CEP72: variants seen among roughly 807,000 people sequenced by gnomAD.
CEP72 encodes centrosomal protein 72, also known as centrosomal protein of 72 kDa.
In CEP72, 78 loss-of-function variants were observed where a neutral mutation model predicts 65.7. The ratio of observed to expected loss-of-function variants is 1.19; its 90% CI spans 0.99 to 1.43. The LOEUF is 1.43. Ranked by LOEUF, CEP72 falls within the 40% of genes most tolerant of loss-of-function variation. The pLI, the probability that CEP72 is intolerant of heterozygous loss-of-function variation, is 0.00. For missense variants in CEP72, 914 were observed against 832.9 expected (o/e 1.10, Z -1.20); for synonymous variants, 358 against 351.7 (o/e 1.02, Z -0.20).
chr5:645,933 T>C lies in CEP72; in HGVS notation c.1666+1508T>C, dbSNP rs774027902. Among the ~76,000 whole-genome samples, 181 of 151,280 alleles carry C rather than the reference T, an allele frequency of 1.2e-3. No homozygotes were observed. Among genetic ancestry groups the C allele is most frequent in the Non-Finnish European group, 2.1e-3 (145 of 67,808 alleles). Reference sequence around the variant, plus strand: ...GACGGTGAATTCGGCTTCGTTACACTGTGTGAGCGTCACTCCTGCTCCCGT... The same window carrying C: ...GACGGTGAATTCGGCTTCGTTACACCGTGTGAGCGTCACTCCTGCTCCCGT... On this transcript the variant is annotated intron_variant, in intron 10 of 11. Transcript: ENST00000264935. This position sits in a 1 kb window ranked among gnomAD's most constrained non-coding sequence, Gnocchi z 4.0.
intron 4 of CEP72, among the ~76,000 whole-genome samples, chr5:666,627 C>T (rs1739927609): frequency 1.3e-5 from 2 of 152,232 alleles, no homozygotes; most frequent in African/African-American, 4.8e-5. Flanking sequence ...GGCTCCAAAA[C>T]CCGCCAGGCG....
intron 1 of CEP72, among the ~76,000 whole-genome samples, chr5:613,113 G>C (rs892619809): frequency 1.3e-5 from 2 of 152,202 alleles, no homozygotes; most frequent in African/African-American, 4.8e-5. Context: ...TGGCTGTGTG[G>C]GGTTTTGTGG....
At chr5:643,965 C>T (rs1738240289) in intron 9 of CEP72, among the ~76,000 whole-genome samples, 1 of 152,330 alleles carries the variant, frequency 6.6e-6, no homozygotes, top group Admixed American at 6.5e-5. Context: ...CAGGGTTCCC[C>T]CAACCGCCAC....
At chr5:676,023 A>T in the CEP72 span, 3 of 67,722 alleles carry the variant, frequency 4.4e-5, no homozygotes, top group Non-Finnish European at 5.2e-5. Flanking sequence ...CTTCTCTGGG[A>T]CTGAGGCTGG....
intron 2 of CEP72, chr5:665,137 C>G (rs1379933580): frequency 1.2e-6 from 2 of 1,612,676 alleles, no homozygotes; most frequent in African/African-American, 2.7e-5. Context: ...TCGTAGGTGC[C>G]TGCGTGCTTG....
intron 9 of CEP72, chr5:641,501 A>G: frequency 1.0e-6 from 1 of 985,262 alleles, no homozygotes; most frequent in South Asian, 4.7e-5. Flanking sequence ...CAGAGATCCC[A>G]CACAACGCTT....
the CEP72 span, among the ~76,000 whole-genome samples, chr5:672,577 G>A: frequency 3.9e-5 from 6 of 152,210 alleles, no homozygotes; most frequent in Admixed American, 6.5e-5. Flanking sequence ...GCAGACCCTC[G>A]CCCAGAGGCT....
rs1394306771 is a variant in CEP72 at position 649,384 on chromosome 5, GA to G, written c.1778+1469del. ...ACTGTGAGGTGTGACTGTGAGGTGT[GA>G]CTGTGAGGTGTGCCTGTGAGGCGTG... On this transcript the variant is annotated intron_variant, in intron 11 of 11. Transcript: ENST00000264935. Among the ~76,000 whole-genome samples the G allele has an allele frequency of 3.9e-4, 51 of 130,738 alleles. 2 individuals are homozygous for G. Among genetic ancestry groups the G allele is most frequent in the African/African-American group, 8.9e-4 (28 of 31,620 alleles). 85.8% of individuals were successfully genotyped at this position (130,738 alleles called of 152,430 possible). A position where few individuals can be genotyped will look rare whatever the true frequency, so the allele number is the denominator to read the frequency against.
Position 644,348 on chromosome 5 carries a change from T to A in CEP72, c.1589T>A (p.Leu530Ter). The change falls in exon 10 of 12, where the codon TTA (leucine) becomes TAA (stop). Residue 530 changes from leucine (L) to a stop codon, truncating the protein, a stop_gained. Transcript: ENST00000264935. LOFTEE classifies it high-confidence loss of function. The part of the protein sequence containing the change: ...LDKSLEENSR[L>*]KSLLLSMKKE... The stretch of plus-strand genomic sequence containing the variant: ...AAATCTTTGGAAGAGAACAGTAGGT[T>A]AAAATCGCTTTTGTTGAGTATGAAA... 3 of 1,610,154 alleles carry A rather than the reference T, an allele frequency of 1.9e-6. No homozygotes were observed. Among genetic ancestry groups the A allele is most frequent in the Non-Finnish European group, 2.5e-6 (3 of 1,176,482 alleles).
downstream of CEP72, among the ~76,000 whole-genome samples, chr5:668,094 C>T (rs1379501845): frequency 2.5e-5 from 2 of 80,172 alleles, no homozygotes; most frequent in Non-Finnish European, 4.3e-5. Flanking sequence ...TCCGCGTGGG[C>T]CCCATCAGGG....
At chr5:670,936 C>T (rs1561084153), downstream of CEP72, among the ~76,000 whole-genome samples, 1 of 152,204 alleles carries the variant, frequency 6.6e-6, no homozygotes, top group Non-Finnish European at 1.5e-5. Context: ...GAAACCGGAG[C>T]CCTTCCTGCA....
downstream of CEP72, among the ~76,000 whole-genome samples, chr5:654,669 A>G (rs1739323497): frequency 6.6e-6 from 1 of 152,204 alleles, no homozygotes; most frequent in African/African-American, 2.4e-5. Context: ...TAATTTATGT[A>G]TGTAAGAGTA....
chr5:664,936 G>A (rs1389357727), intron 2 of CEP72: 6 of 730,480 alleles, frequency 8.2e-6, no homozygotes, highest in African/African-American at 3.6e-5. Context: ...GGGGGCATCC[G>A]GTAGGAGGAG....
chr5:665,455 C>T (rs1739857072), intron 3 of CEP72: 1 of 703,962 alleles, frequency 1.4e-6, no homozygotes, highest in South Asian at 1.9e-5. Flanking sequence ...ATTTTTACCT[C>T]TCCTGACCCT....
intron 1 of CEP72, among the ~76,000 whole-genome samples, chr5:616,539 C>T (rs1735999763): frequency 6.6e-6 from 1 of 152,070 alleles, no homozygotes; most frequent in African/African-American, 2.4e-5. Flanking sequence ...ATATTGTGGA[C>T]ATGCTGGGTA....
Position 620,080 on chromosome 5 carries a change from C to A in CEP72, c.222C>A (p.Tyr74Ter). The change falls in exon 3 of 12, where the codon TAC (tyrosine) becomes TAA (stop). Residue 74 changes from tyrosine to a stop codon, truncating the protein, a stop_gained. Transcript: ENST00000264935. LOFTEE classifies it high-confidence loss of function. ...NSLVSLEGIQ[Y>*]LTALESLNLY... Reference sequence around the variant, plus strand: ...TTTTCTGTTGACAGGGCATTCAGTACCTGACTGCATTGGAGAGTCTCAATC... The same window carrying A: ...TTTTCTGTTGACAGGGCATTCAGTAACTGACTGCATTGGAGAGTCTCAATC... 6.2e-7 allele frequency: 1 copy of A among 1,604,784 alleles called. No individual in the cohort carries two copies. The highest frequency in any genetic ancestry group is 1.7e-4 in the Middle Eastern group (1 of 6,038).
Position 635,430 on chromosome 5 carries a change from G to A in CEP72, c.750G>A (p.Lys250=). The A allele has an allele frequency of 6.2e-7, 1 of 1,614,148 alleles. No homozygotes were observed. Among genetic ancestry groups the A allele is most frequent in the South Asian group, 1.1e-5 (1 of 91,084 alleles). The change falls in exon 6 of 12, where the codon AAG becomes AAA. Residue 250 remains lysine (K), a synonymous_variant. Coordinates refer to ENST00000264935, the MANE Select transcript of CEP72 (RefSeq NM_018140.4). ...AGTACCAGTGTGGGGACTCTGGGAA[G>A]CAGGGCCGTGAGACGAGGAGGAGCA... The part of the protein sequence containing the change: ...LVQYQCGDSG[K]QGRETRRSSC...
At chr5:616,364 C>T (rs1376096029) in intron 1 of CEP72, among the ~76,000 whole-genome samples, 1 of 151,042 alleles carries the variant, frequency 6.6e-6, no homozygotes, top group East Asian at 1.9e-4. Flanking sequence ...CTAGTTTTTC[C>T]TTTGTCTCAG....
rs757427968 is a variant in CEP72, at chr5:649,777, GTGAGGTGTGAC to G, written c.1778+1875_1778+1885del. On this transcript the variant is annotated intron_variant, in intron 11 of 11. Transcript: ENST00000264935. ...GAGGTGTGACTGTGAGGCGTGGACT[GTGAGGTGTGAC>G]TGAGGTGTGACTGTGAGGTGTGACT... Among the ~76,000 whole-genome samples, 8 of 48,914 alleles carry G rather than the reference GTGAGGTGTGAC, an allele frequency of 1.6e-4. 1 individual carries two copies. The highest frequency in any genetic ancestry group is 2.3e-4 in the Admixed American group (1 of 4,388). 32.1% of individuals were successfully genotyped at this position (48,914 alleles called of 152,430 possible).
Sources: gnomAD v4.1 joint callset for allele counts (sites outside exome capture counted in the v4.1 genomes callset) on GRCh38, gnomAD v4.1.1 for gene constraint, Gnocchi (gnomAD v3.1) non-coding constraint, MANE v1.5 for transcripts, NCBI Gene and HGNC (gene_info 2026-07-23, HGNC 2026-07-21) for gene names.